Variants in MAMLD1 observed in about 807,000 individuals in gnomAD.
MAMLD1 encodes the protein mastermind like domain containing 1.
Under a neutral mutation model 45.0 loss-of-function variants are expected in MAMLD1, and 14 were observed. That is an observed-to-expected ratio of 0.31 (90% confidence interval 0.21 to 0.49). The LOEUF (loss-of-function observed/expected upper bound fraction) is 0.49. MAMLD1 is among the 20% of genes least tolerant of loss of function. The pLI is 0.99. For synonymous variants in MAMLD1, 254 were observed against 247.8 expected (o/e 1.02, Z -0.24); for missense variants, 543 against 603.6 (o/e 0.90, Z 1.05).
At chrX:150,466,921 A>G (rs1388632560) in intron 3 of MAMLD1, among the ~76,000 whole-genome samples, 1 of 111,817 alleles carries the variant, frequency 8.9e-6, no homozygotes, top group Non-Finnish European at 1.9e-5. Flanking sequence ...GCTGCCAGCA[A>G]ATTTCAGAGG....
At chrX:150,508,986 G>A (rs1382587240) in intron 6 of MAMLD1, among the ~76,000 whole-genome samples, 1 of 111,660 alleles carries the variant, frequency 9.0e-6, no homozygotes, top group Non-Finnish European at 1.9e-5. Flanking sequence ...CTCAGAGCAA[G>A]TCATGCCTTT....
At chrX:150,509,893 G>C in intron 6 of MAMLD1, 69 bp from the exon 7 acceptor site, 1 of 792,806 alleles carries the variant, frequency 1.3e-6, no homozygotes, top group Admixed American at 2.2e-5. Context: ...AGGTCCCCAC[G>C]CAGCGATCCT....
At chrX:150,503,858 C>T (rs1413886528) in intron 6 of MAMLD1, among the ~76,000 whole-genome samples, 4 of 112,195 alleles carry the variant, frequency 3.6e-5, no homozygotes, top group Non-Finnish European at 7.5e-5. Flanking sequence ...CCATACCTAC[C>T]TGCCTGTCTG....
At chrX:150,365,639 G>T (rs1156420651) in intron 1 of MAMLD1, among the ~76,000 whole-genome samples, 1 of 113,284 alleles carries the variant, frequency 8.8e-6, no homozygotes, top group African/African-American at 3.2e-5. Context: ...GGCCACCCGC[G>T]TCTGGCTACA....
At chrX:150,403,719 C>T (rs1398365963) in intron 1 of MAMLD1, among the ~76,000 whole-genome samples, 5 of 107,223 alleles carry the variant, frequency 4.7e-5, no homozygotes, top group Admixed American at 2.1e-4. Context: ...GCAGGAGGAT[C>T]GCTTGAACCG....
At chrX:150,405,620 GA>G (rs2033974350) in intron 1 of MAMLD1, among the ~76,000 whole-genome samples, 1 of 112,246 alleles carries the variant, frequency 8.9e-6, no homozygotes. Flanking sequence ...GAATAAGCTA[GA>G]AAGAGAGGGT....
chrX:150,510,647 G>T (rs1438450670), intron 7 of MAMLD1, among the ~76,000 whole-genome samples: 1 of 112,452 alleles, frequency 8.9e-6, no homozygotes, highest in Non-Finnish European at 1.9e-5. Context: ...CTCCGTGGAG[G>T]TTGCAGGCTA....
At chrX:150,481,964 A>AAAGAAAG (rs1391067792) in intron 5 of MAMLD1, among the ~76,000 whole-genome samples, 1 of 56,596 alleles carries the variant, frequency 1.8e-5, no homozygotes, top group African/African-American at 7.2e-5. Flanking sequence ...AAAGAAAGAA[A>AAAGAAAG]AAAGAAAGAA....
intron 1 of MAMLD1, among the ~76,000 whole-genome samples, chrX:150,431,640 T>C (rs1382542145): frequency 9.0e-6 from 1 of 111,026 alleles, no homozygotes. Context: ...GATGTTTACC[T>C]CTGACTTGTA....
intron 2 of MAMLD1, among the ~76,000 whole-genome samples, chrX:150,447,756 C>G (rs186123816): frequency 6.2e-4 from 69 of 111,365 alleles, no homozygotes; most frequent in African/African-American, 2.1e-3. Context: ...GTAGCCTTAG[C>G]TGGATCTCAG....
chrX:150,389,215 T>C (rs950162127), intron 1 of MAMLD1, among the ~76,000 whole-genome samples: 2 of 110,973 alleles, frequency 1.8e-5, no homozygotes, highest in African/African-American at 3.3e-5. Flanking sequence ...CCTGACTAAT[T>C]TTTTGTACTT....
chrX:150,386,799 C>A (rs1449506190), intron 1 of MAMLD1, among the ~76,000 whole-genome samples: 1 of 78,790 alleles, frequency 1.3e-5, no homozygotes, highest in Non-Finnish European at 2.5e-5. Flanking sequence ...TACTAAATGT[C>A]CTTTATGACA....
intron 1 of MAMLD1, among the ~76,000 whole-genome samples, chrX:150,394,652 C>A (rs192765665): frequency 1.8e-5 from 2 of 110,650 alleles, no homozygotes; most frequent in Admixed American, 9.6e-5. Flanking sequence ...AGATCTTGTG[C>A]GTATTTTCTT....
intron 1 of MAMLD1, among the ~76,000 whole-genome samples, chrX:150,410,835 G>A (rs2034105921): frequency 8.9e-6 from 1 of 112,010 alleles, no homozygotes; most frequent in Admixed American, 9.4e-5. Flanking sequence ...CCAGAGTTCA[G>A]CTTGAACCAC....
intron 5 of MAMLD1, among the ~76,000 whole-genome samples, chrX:150,474,938 A>C (rs1441402791): frequency 9.0e-6 from 1 of 111,510 alleles, no homozygotes; most frequent in Non-Finnish European, 1.9e-5. Flanking sequence ...CAGGGGAGAG[A>C]AAAAAATAAA....
At chrX:150,382,885 A>ATTTTATTTTTTTTTTT (rs2032699627) in intron 1 of MAMLD1, among the ~76,000 whole-genome samples, 1 of 41,191 alleles carries the variant, frequency 2.4e-5, no homozygotes. Flanking sequence ...ATTTTATTTT[A>ATTTTATTTTTTTTTTT]TTTTTTTTTT....
At chrX:150,375,798 G>A (rs192506502) in intron 1 of MAMLD1, among the ~76,000 whole-genome samples, 2 of 112,047 alleles carry the variant, frequency 1.8e-5, no homozygotes, top group Admixed American at 1.9e-4. Context: ...TTATTAATCT[G>A]GAGGGAGAGG....
At chrX:150,398,265 A>AGAAGAAGAAGAG (rs2033527961) in intron 1 of MAMLD1, among the ~76,000 whole-genome samples, 1 of 34,654 alleles carries the variant, frequency 2.9e-5, no homozygotes, top group Non-Finnish European at 5.1e-5. Flanking sequence ...AAGAAGAAGA[A>AGAAGAAGAAGAG]GAAGAAGAAG....
At chrX:150,495,626 G>A (rs942660333) in intron 5 of MAMLD1, among the ~76,000 whole-genome samples, 10 of 112,619 alleles carry the variant, frequency 8.9e-5, no homozygotes, top group Admixed American at 3.7e-4. Context: ...ACCAGACAAA[G>A]GGTCAAGCCA....
Sources: allele counts gnomAD v4.1 joint callset (sites outside exome capture counted in the v4.1 genomes callset), GRCh38; gene constraint gnomAD v4.1.1; transcripts MANE v1.5; gene names NCBI Gene and HGNC (gene_info 2026-07-23, HGNC 2026-07-21).